The following LRRIQ1 variants were observed in gnomAD, a reference collection of about 807,000 sequenced individuals.
LRRIQ1 encodes leucine-rich repeat- and IQ domain-containing protein 1.
Under a neutral mutation model 211.9 loss-of-function variants are expected in LRRIQ1, and 210 were observed. The ratio of observed to expected loss-of-function variants is 0.99; its 90% CI spans 0.89 to 1.11. The LOEUF is 1.11. Among genes scored for constraint, LRRIQ1 ranks in the 50% most tolerant of loss-of-function variants. The pLI is 0.00. For synonymous variants in LRRIQ1, 699 were observed against 650.1 expected (o/e 1.08, Z -1.14); for missense variants, 2,136 against 1,939.5 (o/e 1.10, Z -1.90).
Position 85,104,049 on chromosome 12 carries a change from G to A in LRRIQ1, c.3255G>A (p.Lys1085=), listed in dbSNP as rs1269523889. The A allele has an allele frequency of 1.3e-6, 2 of 1,561,726 alleles. No individual in the cohort carries two copies. Among genetic ancestry groups the A allele is most frequent in the African/African-American group, 1.4e-5 (1 of 72,486 alleles). The change falls in exon 14 of 27, where the codon AAG becomes AAA. Residue 1085 remains lysine (K), a synonymous_variant. Coordinates refer to ENST00000393217, the MANE Select transcript of LRRIQ1 (RefSeq NM_001079910.2). The part of the protein sequence containing the change: ...VPLFHFVSLE[K]LDVSHNCLSD... Reference sequence around the variant, plus strand: ...TTTTTCATTTTGTTTCATTGGAAAAGCTAGATGTCAGCCACAATTGTCTTT... The same window carrying A: ...TTTTTCATTTTGTTTCATTGGAAAAACTAGATGTCAGCCACAATTGTCTTT...
rs1214506090 is a variant in LRRIQ1, at chr12:85,110,493, G to T, written c.3377+3878G>T. 2.0e-5 allele frequency among the ~76,000 whole-genome samples: 3 copies of T among 152,204 alleles called. No individual in the cohort carries two copies. In the East Asian group the frequency reaches 5.8e-4, roughly 29 times the overall value. Reference sequence around the variant, plus strand: ...CAAGGTTACATAGCTATCAAGTAGAGGAGCCAGGAAATCTAACTCATGCAG... The same window carrying T: ...CAAGGTTACATAGCTATCAAGTAGATGAGCCAGGAAATCTAACTCATGCAG... On this transcript the variant is annotated intron_variant, in intron 15 of 26. Transcript: ENST00000393217.
At chr12:85,098,671 C>A (rs1339896304) in intron 12 of LRRIQ1, 123 bp downstream of exon 12, 7 of 821,910 alleles carry the variant, frequency 8.5e-6, no homozygotes, top group East Asian at 8.3e-5. Context: ...CATGAAGTAA[C>A]CTTTATCAAG....
intron 26 of LRRIQ1, among the ~76,000 whole-genome samples, chr12:85,241,047 T>C (rs964621724): frequency 1.3e-5 from 2 of 152,070 alleles, no homozygotes; most frequent in Non-Finnish European, 1.5e-5. Flanking sequence ...AATTAGGGCA[T>C]GTGAAAGCTA....
intron 8 of LRRIQ1, 45 bp downstream of exon 8, chr12:85,057,229 G>A (rs1881226844): frequency 8.2e-7 from 1 of 1,226,464 alleles, no homozygotes; most frequent in Non-Finnish European, 1.1e-6. Flanking sequence ...ATTACAATTA[G>A]CTCTTTAAAG....
chr12:85,113,116 G>A (rs1443540903), intron 15 of LRRIQ1, among the ~76,000 whole-genome samples: 1 of 152,094 alleles, frequency 6.6e-6, no homozygotes, highest in African/African-American at 2.4e-5. Context: ...GAGTACAAAT[G>A]TTCAGACCAG....
intron 10 of LRRIQ1, among the ~76,000 whole-genome samples, chr12:85,072,118 C>T (rs1441802166): frequency 1.3e-5 from 2 of 151,704 alleles, no homozygotes; most frequent in African/African-American, 2.4e-5. Flanking sequence ...TATAGATTTT[C>T]CTCTGAGCAA....
At chr12:85,107,826 T>C (rs922641891) in intron 15 of LRRIQ1, among the ~76,000 whole-genome samples, 2 of 152,180 alleles carry the variant, frequency 1.3e-5, no homozygotes, top group Non-Finnish European at 2.9e-5. Context: ...TTCAGACTCA[T>C]CTATTTTTCA....
chr12:85,072,282 A>G (rs1450775803), intron 10 of LRRIQ1, among the ~76,000 whole-genome samples: 1 of 151,930 alleles, frequency 6.6e-6, no homozygotes, highest in Non-Finnish European at 1.5e-5. Context: ...TAGCCAGAGA[A>G]TAATTTTTAT....
At chr12:85,127,809 GTT>G in intron 17 of LRRIQ1, 21 bp from the exon 18 acceptor site, 1 of 1,542,114 alleles carries the variant, frequency 6.5e-7, no homozygotes, top group Non-Finnish European at 8.9e-7. Context: ...AAAAGTGTGT[GTT>G]TTTTTTTCTC....
intron 23 of LRRIQ1, among the ~76,000 whole-genome samples, chr12:85,155,030 TA>T (rs1320986770): frequency 1.3e-5 from 2 of 151,344 alleles, no homozygotes; most frequent in Non-Finnish European, 3.0e-5. Context: ...TATAACATTT[TA>T]AAACAAGTAA....
At chr12:85,124,783 A>G in intron 17 of LRRIQ1, 1 of 340,174 alleles carries the variant, frequency 2.9e-6, no homozygotes, top group Non-Finnish European at 5.4e-6. Context: ...TCTGCCTTGT[A>G]ATTTCTAAAT....
In LRRIQ1 at chr12:85,047,404, A is replaced by T. The variant is rs1402179739; in HGVS notation, c.612A>T (p.Glu204Asp). The T allele has an allele frequency of 6.2e-7, 1 of 1,613,004 alleles. No homozygotes were observed. The highest frequency in any genetic ancestry group is 8.5e-7 in the Non-Finnish European group (1 of 1,179,290). ...AAGAAAAACAATTTCAAGAAGAAGA[A>T]GAAAAGCGACATTGCTGGATGAAAC... Reference protein sequence around the residue: ...DREEKQFQEEEEKRHCWMKQF... With the variant: ...DREEKQFQEEDEKRHCWMKQF... Residue 204 changes from glutamate to aspartate, a missense_variant, in exon 6 of 27, where the codon GAA becomes GAT. Glu to Asp is a conservative substitution (Grantham distance 45). Transcript: ENST00000393217.
chr12:85,098,353 A>G lies in LRRIQ1; in HGVS notation c.2888-2A>G, dbSNP rs766239358. The G allele has an allele frequency of 6.3e-7, 1 of 1,587,474 alleles. No homozygotes were observed. On this transcript the variant is annotated splice_acceptor_variant, in intron 11 of 26. Coordinates refer to ENST00000393217, the MANE Select transcript of LRRIQ1 (RefSeq NM_001079910.2). LOFTEE classifies it high-confidence loss of function. ...GGTGATCTTATAACTTTTTTCTTCT[A>G]GGTGGTTTAGAATCTTTGAAAAATC...
At chr12:85,095,017 G>A (rs953019211) in intron 11 of LRRIQ1, among the ~76,000 whole-genome samples, 5 of 152,024 alleles carry the variant, frequency 3.3e-5, no homozygotes, top group Admixed American at 6.6e-5. Flanking sequence ...GGAGCCTCTG[G>A]GCAGAGTCTT....
chr12:85,120,562 A>G (rs1279068336), intron 15 of LRRIQ1, among the ~76,000 whole-genome samples: 2 of 152,206 alleles, frequency 1.3e-5, no homozygotes, highest in Admixed American at 6.5e-5. Context: ...GATATCCACA[A>G]AATACCTTGC....
At chr12:85,229,100 C>T (rs181216284) in intron 24 of LRRIQ1, among the ~76,000 whole-genome samples, 1 of 152,222 alleles carries the variant, frequency 6.6e-6, no homozygotes, top group Non-Finnish European at 1.5e-5. Flanking sequence ...GGTTCAAAAA[C>T]ACTCAATATA....
Position 85,130,599 on chromosome 12 carries a change from C to T in LRRIQ1, c.4209+2566C>T, listed in dbSNP as rs150595270. 3.1e-3 allele frequency among the ~76,000 whole-genome samples: 470 copies of T among 152,236 alleles called. 4 individuals carry two copies. The highest frequency in any genetic ancestry group is 0.01 in the African/African-American group (436 of 41,548). On this transcript the variant is annotated intron_variant, in intron 18 of 26. Transcript: ENST00000393217. ...TTTCTTTGTAACTTAATGTAAGTCT[C>T]TTTTGTACATCCTATTACTTCACAT...
At chr12:85,158,185 C>CCTA (rs1890664007) in intron 23 of LRRIQ1, among the ~76,000 whole-genome samples, 1 of 151,692 alleles carries the variant, frequency 6.6e-6, no homozygotes. Context: ...ACATCTCAGA[C>CCTA]CTACTACCAC....
At chr12:85,175,556 A>G (rs1891654893) in intron 24 of LRRIQ1, among the ~76,000 whole-genome samples, 2 of 152,158 alleles carry the variant, frequency 1.3e-5, no homozygotes, top group Non-Finnish European at 2.9e-5. Context: ...GGTTTTAACA[A>G]TAATAAGACA....
Sources: gnomAD v4.1 joint callset for allele counts (sites outside exome capture counted in the v4.1 genomes callset) on GRCh38, gnomAD v4.1.1 for gene constraint, MANE v1.5 for transcripts, NCBI Gene and HGNC (gene_info 2026-07-23, HGNC 2026-07-21) for gene names.